Variants in C12orf54 observed in about 807,000 individuals in gnomAD.
C12orf54 encodes chromosome 12 open reading frame 54.
In C12orf54, 24 loss-of-function variants were observed where a neutral mutation model predicts 26.4. That is an observed-to-expected ratio of 0.91 (90% CI 0.66 to 1.28). C12orf54 has a LOEUF of 1.28. C12orf54 is among the 50% of genes most tolerant of loss of function. The probability of loss-of-function intolerance (pLI) is 0.00; values close to 1 mark genes in which losing one functional copy is unlikely to be tolerated. For missense variants in C12orf54, 154 were observed against 150.9 expected, an observed-to-expected ratio of 1.02 and a Z score of -0.11; for synonymous variants, 54 against 47.0, an observed-to-expected ratio of 1.15 and a Z score of -0.61.
chr12:48,424,480 A>G, the C12orf54 span, among the ~76,000 whole-genome samples: 1 of 152,134 alleles, frequency 6.6e-6, no homozygotes, highest in Non-Finnish European at 1.5e-5. Flanking sequence ...TGTCTTCATG[A>G]GAAATTTTTA....
At chr12:48,472,693 A>G in the C12orf54 span, 1 of 1,614,192 alleles carries the variant, frequency 6.2e-7, no homozygotes, top group Non-Finnish European at 8.5e-7. Flanking sequence ...ATTCATTTAG[A>G]GCTGCGGAAC....
At chr12:48,455,023 A>G in the C12orf54 span, among the ~76,000 whole-genome samples, 5 of 152,276 alleles carry the variant, frequency 3.3e-5, no homozygotes, top group African/African-American at 1.2e-4. Context: ...ATTGCGTGTC[A>G]CTGGAGTTTG....
chr12:48,427,740 A>G, the C12orf54 span, among the ~76,000 whole-genome samples: 1 of 152,148 alleles, frequency 6.6e-6, no homozygotes, highest in Non-Finnish European at 1.5e-5. Context: ...TCAATACTCC[A>G]TTGACAGCAC....
the C12orf54 span, among the ~76,000 whole-genome samples, chr12:48,464,144 T>C: frequency 3.9e-5 from 6 of 152,122 alleles, no homozygotes; most frequent in African/African-American, 1.4e-4. Context: ...ACGATCTTTG[T>C]TTGCAGATGA....
At chr12:48,427,082 G>A in the C12orf54 span, among the ~76,000 whole-genome samples, 1 of 152,050 alleles carries the variant, frequency 6.6e-6, no homozygotes, top group Admixed American at 6.6e-5. Flanking sequence ...TCTTTCTCTT[G>A]CCTGATTGGT....
chr12:48,422,235 G>A, the C12orf54 span, among the ~76,000 whole-genome samples: 1 of 152,160 alleles, frequency 6.6e-6, no homozygotes, highest in Admixed American at 6.5e-5. Flanking sequence ...GCAGGAAGTT[G>A]ATGAATCAGG....
the C12orf54 span, among the ~76,000 whole-genome samples, chr12:48,451,970 A>G: frequency 6.6e-6 from 1 of 152,226 alleles, no homozygotes; most frequent in South Asian, 2.1e-4. Context: ...TCTTCACAGA[A>G]TTAGAAAAAC....
intron 7 of C12orf54, 109 bp from the exon 8 acceptor site, chr12:48,494,689 T>C: frequency 1.7e-6 from 2 of 1,211,660 alleles, no homozygotes; most frequent in South Asian, 2.9e-5. Context: ...ATGCCCATTC[T>C]TGGGGGAGTG....
chr12:48,429,587 T>A, the C12orf54 span, among the ~76,000 whole-genome samples: 14 of 146,656 alleles, frequency 9.5e-5, no homozygotes, highest in Non-Finnish European at 7.5e-5. Flanking sequence ...AAAAAAAAAA[T>A]ACTTAGAATA....
At chr12:48,420,078 T>C in the C12orf54 span, among the ~76,000 whole-genome samples, 1 of 147,460 alleles carries the variant, frequency 6.8e-6, no homozygotes, top group East Asian at 1.9e-4. Flanking sequence ...GATTCCACAG[T>C]TGGTTTTTTT....
At chr12:48,457,256 T>C in the C12orf54 span, among the ~76,000 whole-genome samples, 1 of 150,830 alleles carries the variant, frequency 6.6e-6, no homozygotes, top group African/African-American at 2.4e-5. Context: ...GCCAAATGAA[T>C]GCAACAAGCA....
Position 48,486,149 on chromosome 12 carries a change from A to T in C12orf54, c.66-29A>T, listed in dbSNP as rs768881712. The T allele has an allele frequency of 3.1e-6, 5 of 1,596,020 alleles. No individual in the cohort carries two copies. The South Asian group carries it at 4.4e-5, about 14-fold the overall frequency. ...CTTTAGCCCACATTCTGTGCTCCTCATCAGGTTTATATCATTCTTTCTTTG... is the reference window on the plus strand; with the variant it reads ...CTTTAGCCCACATTCTGTGCTCCTCTTCAGGTTTATATCATTCTTTCTTTG... On this transcript the variant is annotated intron_variant, in intron 2 of 8. Coordinates refer to ENST00000548364, the MANE Select transcript of C12orf54 (RefSeq NM_152319.4).
chr12:48,489,290 A>G (rs1937731787), intron 5 of C12orf54: 1 of 471,472 alleles, frequency 2.1e-6, no homozygotes, highest in Non-Finnish European at 4.1e-6. Flanking sequence ...AAACTGCCTT[A>G]TTAGGTGAGT....
At chr12:48,484,486 CT>C (rs1162070624) in intron 2 of C12orf54, among the ~76,000 whole-genome samples, 1 of 152,132 alleles carries the variant, frequency 6.6e-6, no homozygotes, top group Non-Finnish European at 1.5e-5. Context: ...TGAAGATATG[CT>C]TTTTTTGGTG....
intron 6 of C12orf54, among the ~76,000 whole-genome samples, chr12:48,491,542 C>T (rs748123181): frequency 1.2e-4 from 19 of 152,174 alleles, no homozygotes; most frequent in Non-Finnish European, 2.4e-4. Flanking sequence ...AGAACACTCT[C>T]ATGCCTCGGC....
chr12:48,435,542 A>G, the C12orf54 span, among the ~76,000 whole-genome samples: 1 of 152,264 alleles, frequency 6.6e-6, no homozygotes, highest in Non-Finnish European at 1.5e-5. Context: ...AGGGAAGCCC[A>G]TCAGACTAAC....
chr12:48,486,850 C>T (rs1002462580), intron 4 of C12orf54, 124 bp downstream of exon 4: 1 of 913,300 alleles, frequency 1.1e-6, no homozygotes, highest in African/African-American at 1.7e-5. Context: ...GAAGGATCAA[C>T]ACGCTCCCTC....
At chr12:48,455,686 T>C in the C12orf54 span, among the ~76,000 whole-genome samples, 3 of 152,172 alleles carry the variant, frequency 2.0e-5, no homozygotes, top group African/African-American at 7.2e-5. Context: ...AACATGATTG[T>C]ACAGAAGAGC....
the C12orf54 span, among the ~76,000 whole-genome samples, chr12:48,445,541 G>C: frequency 3.3e-5 from 5 of 152,146 alleles, no homozygotes; most frequent in African/African-American, 1.2e-4. Context: ...TATCGCTGAA[G>C]TCCTCATCTC....
Sources: gnomAD v4.1 joint callset for allele counts (sites outside exome capture counted in the v4.1 genomes callset) on GRCh38, gnomAD v4.1.1 for gene constraint, MANE v1.5 for transcripts, NCBI Gene and HGNC (gene_info 2026-07-23, HGNC 2026-07-21) for gene names.